Variants in SLC15A1 observed in about 807,000 individuals in gnomAD.
SLC15A1 encodes Caco-2 oligopeptide transporter.
In SLC15A1, 83 loss-of-function variants were observed where a neutral mutation model predicts 92.9. The observed-to-expected ratio is 0.89, with a 90% confidence interval of 0.75 to 1.07. The LOEUF (loss-of-function observed/expected upper bound fraction) is 1.07. Among genes scored for constraint, SLC15A1 ranks in the 50% least tolerant of loss-of-function variants. SLC15A1 has a pLI of 0.00. For synonymous variants in SLC15A1, 322 were observed against 318.2 expected, an observed-to-expected ratio of 1.01 and a Z score of -0.13; for missense variants, 857 against 880.1, an observed-to-expected ratio of 0.97 and a Z score of 0.33.
chr13:98,745,356 G>C (rs528224877), intron 1 of SLC15A1, among the ~76,000 whole-genome samples: 6 of 152,318 alleles, frequency 3.9e-5, no homozygotes, highest in African/African-American at 1.4e-4. Flanking sequence ...AGTTCAGAGA[G>C]AATACTTTCT....
At chr13:98,729,038 TAG>T (rs980920530) in intron 1 of SLC15A1, among the ~76,000 whole-genome samples, 3 of 55,330 alleles carry the variant, frequency 5.4e-5, no homozygotes, top group Non-Finnish European at 1.2e-4. Context: ...ACAAACAGAA[TAG>T]ATAGCAGATC....
intron 18 of SLC15A1, among the ~76,000 whole-genome samples, chr13:98,697,195 A>C (rs1466531531): frequency 1.3e-5 from 2 of 152,074 alleles, no homozygotes; most frequent in Non-Finnish European, 2.9e-5. Flanking sequence ...AGCTGGGATT[A>C]CAGGCACGCA....
At chr13:98,727,919 C>T (rs996325310) in intron 1 of SLC15A1, among the ~76,000 whole-genome samples, 1 of 152,194 alleles carries the variant, frequency 6.6e-6, no homozygotes, top group African/African-American at 2.4e-5. Context: ...AGCAGTGGGT[C>T]TCACACTGGA....
chr13:98,724,022 C>A lies in SLC15A1; in HGVS notation c.255G>T (p.Val85=). 6.2e-7 allele frequency: 1 copy of A among 1,614,050 alleles called. No individual in the cohort carries two copies. The highest frequency in any genetic ancestry group is 8.5e-7 in the Non-Finnish European group (1 of 1,179,988). The change falls in exon 5 of 23, where the codon GTG becomes GTT. Residue 85 remains valine (V), a synonymous_variant. Transcript: ENST00000376503. ...DSWLGKFKTI[V]SLSIVYTIGQ... ...CAATTGTGTAGACAATGGAGAGCGA[C>A]ACAATGGTCCTGTGTTTCCAAAGAT...
At chr13:98,704,754 A>G (rs2088098269) in intron 16 of SLC15A1, among the ~76,000 whole-genome samples, 1 of 152,250 alleles carries the variant, frequency 6.6e-6, no homozygotes, top group African/African-American at 2.4e-5. Flanking sequence ...GAGCAAAAGC[A>G]ACAGCCCTGG....
chr13:98,726,826 G>A lies in SLC15A1; in HGVS notation c.21+17C>T, dbSNP rs1266083751. The A allele has an allele frequency of 6.2e-7, 1 of 1,611,280 alleles. No individual in the cohort carries two copies. The highest frequency in any genetic ancestry group is 8.5e-7 in the Non-Finnish European group (1 of 1,177,620). Reference sequence around the variant, plus strand: ...TTACAAGATGAAGATATGTAGAGAAGGAAAAAGGGTACTCACGTGTGATTT... The same window carrying A: ...TTACAAGATGAAGATATGTAGAGAAAGAAAAAGGGTACTCACGTGTGATTT... On this transcript the variant is annotated intron_variant, in intron 2 of 22. Coordinates refer to ENST00000376503, the MANE Select transcript of SLC15A1 (RefSeq NM_005073.4).
At chr13:98,708,832 AC>A in intron 14 of SLC15A1, 65 bp from the exon 15 acceptor site, 2 of 1,067,320 alleles carry the variant, frequency 1.9e-6, no homozygotes, top group Non-Finnish European at 2.5e-6. Flanking sequence ...CTAAACCCCC[AC>A]CCCCACCATC....
intron 1 of SLC15A1, among the ~76,000 whole-genome samples, chr13:98,731,126 G>A (rs571043158): frequency 2.2e-4 from 33 of 152,312 alleles, no homozygotes; most frequent in African/African-American, 6.5e-4. Flanking sequence ...GCAACAGGGA[G>A]GCTGCTGCAG....
intron 1 of SLC15A1, among the ~76,000 whole-genome samples, chr13:98,738,365 G>T (rs1484558307): frequency 6.6e-6 from 1 of 152,216 alleles, no homozygotes; most frequent in African/African-American, 2.4e-5. Context: ...AGACAATGGG[G>T]TAAAGGCCTC....
At chr13:98,732,491 CAAG>C (rs2088359158) in intron 1 of SLC15A1, among the ~76,000 whole-genome samples, 2 of 152,118 alleles carry the variant, frequency 1.3e-5, no homozygotes, top group Non-Finnish European at 2.9e-5. Context: ...CAGGAGAAAA[CAAG>C]AGACTCCCCT....
chr13:98,692,927 C>G (rs556921674), intron 18 of SLC15A1, among the ~76,000 whole-genome samples: 1 of 151,592 alleles, frequency 6.6e-6, no homozygotes, highest in South Asian at 2.1e-4. Flanking sequence ...TTTGTAGGGA[C>G]AGGGTTTTGC....
rs764110081 is a variant in SLC15A1 at position 98,726,122 on chromosome 13, C to T, written c.245+1G>A. ...TGAACAAGAAATTTCCAGCCACTCACTTGAACTTTCCCAGCCACGAGTCGG... is the reference window on the plus strand; with the variant it reads ...TGAACAAGAAATTTCCAGCCACTCATTTGAACTTTCCCAGCCACGAGTCGG... On this transcript the variant is annotated splice_donor_variant, in intron 4 of 22. Coordinates refer to ENST00000376503, the MANE Select transcript of SLC15A1 (RefSeq NM_005073.4). LOFTEE classifies it high-confidence loss of function. 5 of 1,613,680 alleles carry T rather than the reference C, an allele frequency of 3.1e-6. No homozygotes were observed. The South Asian group carries it at 5.5e-5, about 18-fold the overall frequency.
chr13:98,686,647 A>G lies in SLC15A1; in HGVS notation c.1828-350T>C, dbSNP rs570676708. Among the ~76,000 whole-genome samples the G allele has an allele frequency of 4.6e-5, 7 of 152,292 alleles. No homozygotes were observed. The East Asian group carries it at 1.4e-3, about 29-fold the overall frequency. On this transcript the variant is annotated intron_variant, in intron 21 of 22. Coordinates refer to ENST00000376503, the MANE Select transcript of SLC15A1 (RefSeq NM_005073.4). ...TCAAATGCAGGCTGCCCTGGGCTGC[A>G]AGCTTGCCCTTCTGTGGCTTTCCTG...
chr13:98,697,202 C>T (rs750829821), intron 18 of SLC15A1, among the ~76,000 whole-genome samples: 3 of 152,086 alleles, frequency 2.0e-5, no homozygotes, highest in East Asian at 1.9e-4. Flanking sequence ...ATTACAGGCA[C>T]GCACCACCAC....
Position 98,740,459 on chromosome 13 carries a change from C to G in SLC15A1, c.4+12136G>C, listed in dbSNP as rs1381394235. Among the ~76,000 whole-genome samples, 6 of 152,148 alleles carry G rather than the reference C, an allele frequency of 3.9e-5. No homozygotes were observed. The East Asian group carries it at 1.2e-3, about 30-fold the overall frequency. The stretch of plus-strand genomic sequence containing the variant: ...GGCCCCCCAGGGTCTGACTGTGGCT[C>G]CATCCTCCTCCACCCCAGCTGTCCA... On this transcript the variant is annotated intron_variant, in intron 1 of 22. Transcript: ENST00000376503.
At chr13:98,704,023 A>T (rs8002282) in intron 17 of SLC15A1, among the ~76,000 whole-genome samples, 5,388 of 152,300 alleles carry the variant, frequency 0.035, 337 homozygotes, top group African/African-American at 0.12. Context: ...ACACACACGC[A>T]TGCACATCTG....
intron 15 of SLC15A1, among the ~76,000 whole-genome samples, chr13:98,707,891 T>TAAAAAA (rs745924829): frequency 3.7e-5 from 4 of 106,844 alleles, no homozygotes; most frequent in African/African-American, 1.2e-4. Context: ...AGACCCTGTT[T>TAAAAAA]AAAAAAAAAA....
intron 1 of SLC15A1, among the ~76,000 whole-genome samples, chr13:98,732,497 A>C (rs1316611900): frequency 6.6e-6 from 1 of 151,484 alleles, no homozygotes; most frequent in Non-Finnish European, 1.5e-5. Context: ...AAAACAAGAG[A>C]CTCCCCTCTT....
chr13:98,721,722 A>G, intron 6 of SLC15A1, 82 bp downstream of exon 6: 1 of 1,396,470 alleles, frequency 7.2e-7, no homozygotes, highest in South Asian at 1.2e-5. Flanking sequence ...AATCCGATGT[A>G]GAACAGACTT....
Sources: allele counts gnomAD v4.1 joint callset (sites outside exome capture counted in the v4.1 genomes callset), GRCh38; gene constraint gnomAD v4.1.1; transcripts MANE v1.5; gene names NCBI Gene and HGNC (gene_info 2026-07-23, HGNC 2026-07-21).